ZNF66: variants seen among roughly 807,000 people sequenced by gnomAD.
The protein encoded by ZNF66 is zinc finger protein 66.
Under a neutral mutation model 35.2 loss-of-function variants are expected in ZNF66, and 32 were observed. That is an observed-to-expected ratio of 0.91 (90% CI 0.69 to 1.22). The LOEUF (loss-of-function observed/expected upper bound fraction) is 1.22, where lower values mean the gene tolerates loss of function less well. Among genes scored for constraint, ZNF66 ranks in the 50% most tolerant of loss-of-function variants. The probability of loss-of-function intolerance (pLI) is 0.00; values close to 1 mark genes in which losing one functional copy is unlikely to be tolerated. For synonymous variants in ZNF66, 231 were observed against 181.3 expected (o/e 1.27, Z -2.20); for missense variants, 666 against 543.1 (o/e 1.23, Z -2.25).
chr19:20,797,261 A>C (rs1337745508), intron 3 of ZNF66, among the ~76,000 whole-genome samples: 1 of 95,326 alleles, frequency 1.0e-5, no homozygotes, highest in African/African-American at 4.1e-5. Context: ...GCTGGAGTGC[A>C]GTGGCGCAAT....
intron 1 of ZNF66, among the ~76,000 whole-genome samples, chr19:20,790,572 C>G (rs1424247060): frequency 2.3e-5 from 3 of 132,528 alleles, no homozygotes; most frequent in Non-Finnish European, 3.3e-5. Flanking sequence ...TCCTGAATCT[C>G]TTCTGTTTTA....
At chr19:20,781,422 C>G (rs1971244074) in intron 1 of ZNF66, among the ~76,000 whole-genome samples, 1 of 152,054 alleles carries the variant, frequency 6.6e-6, no homozygotes, top group Non-Finnish European at 1.5e-5. Context: ...GTCTGTTGTT[C>G]TCCTCTTTGT....
intron 1 of ZNF66, among the ~76,000 whole-genome samples, chr19:20,785,373 T>G (rs1182159961): frequency 6.6e-6 from 1 of 152,244 alleles, no homozygotes; most frequent in Non-Finnish European, 1.5e-5. Context: ...TTCAACCATT[T>G]TTGTAGCAGA....
chr19:20,784,417 T>A (rs1971269538), intron 1 of ZNF66, among the ~76,000 whole-genome samples: 1 of 152,154 alleles, frequency 6.6e-6, no homozygotes, highest in Non-Finnish European at 1.5e-5. Flanking sequence ...TCAATAGGAA[T>A]AACAATGAGT....
At position 20,806,385 on chromosome 19, in the gene ZNF66, G is replaced by A. The variant is rs560685828; in HGVS notation, c.785G>A (p.Cys262Tyr). 1.3e-6 allele frequency: 2 copies of A among 1,571,246 alleles called. No individual in the cohort carries two copies. Among genetic ancestry groups the A allele is most frequent in the Non-Finnish European group, 1.8e-6 (2 of 1,142,158 alleles). Reference protein sequence around the residue: ...TGEKPYKCEECGKAFKRSSIL... With the variant: ...TGEKPYKCEEYGKAFKRSSIL... ...GAGAAACCCTACAAATGTGAAGAAT[G>A]TGGCAAGGCCTTTAAGCGCTCCTCT... The change falls in exon 4 of 4, where the codon TGT (cysteine) becomes TAT (tyrosine). Residue 262 changes from cysteine to tyrosine, a missense_variant. Physicochemically the swap from Cys to Tyr is radical, Grantham distance 194 (BLOSUM62 -2). Transcript: ENST00000344519.
At chr19:20,793,938 G>T in intron 3 of ZNF66, 60 bp downstream of exon 3, 1 of 764,668 alleles carries the variant, frequency 1.3e-6, no homozygotes, top group South Asian at 2.2e-5. Flanking sequence ...AGGTCAAAAA[G>T]AAAGCCAGTC....
At chr19:20,791,507 A>G (rs1971337685) in intron 1 of ZNF66, among the ~76,000 whole-genome samples, 1 of 148,974 alleles carries the variant, frequency 6.7e-6, no homozygotes, top group Non-Finnish European at 1.5e-5. Flanking sequence ...AAAAAAAAAG[A>G]AAATTGCTCA....
chr19:20,794,870 CT>C lies in ZNF66; in HGVS notation c.226+1010del, dbSNP rs59063566. Among the ~76,000 whole-genome samples the C allele has an allele frequency of 2.1e-3, 275 of 130,916 alleles. 1 individual carries two copies. Among genetic ancestry groups the C allele is most frequent in the Non-Finnish European group, 3.2e-3 (201 of 63,084 alleles). 85.9% of individuals were successfully genotyped at this position (130,916 alleles called of 152,430 possible). On this transcript the variant is annotated intron_variant, in intron 3 of 3. Transcript: ENST00000344519. Reference sequence around the variant, plus strand: ...AAATTGTGTGATTTACAACCAGCAACTTTTTTTTTTTTTTTTTTGAGAGGGG... The same window carrying C: ...AAATTGTGTGATTTACAACCAGCAACTTTTTTTTTTTTTTTTTGAGAGGGG...
At position 20,786,120 on chromosome 19, in the gene ZNF66, G is replaced by T. The variant is rs148163818; in HGVS notation, c.4-6392G>T. Reference sequence around the variant, plus strand: ...AACACTGTCTAGAATTACCAGATGTGATATAAACACATAAGGTGCCAACCA... The same window carrying T: ...AACACTGTCTAGAATTACCAGATGTTATATAAACACATAAGGTGCCAACCA... On this transcript the variant is annotated intron_variant, in intron 1 of 3. Transcript: ENST00000344519. 3.7e-3 allele frequency among the ~76,000 whole-genome samples: 561 copies of T among 152,226 alleles called. 11 individuals carry two copies. The highest frequency in any genetic ancestry group is 0.033 in the South Asian group (159 of 4,826).
At chr19:20,792,706 G>A in intron 2 of ZNF66, 68 bp downstream of exon 2, 1 of 918,018 alleles carries the variant, frequency 1.1e-6, no homozygotes, top group Non-Finnish European at 1.6e-6. Context: ...TTTGTAGAAT[G>A]TTAGTAATTT....
At chr19:20,782,659 C>G (rs1330662283) in intron 1 of ZNF66, among the ~76,000 whole-genome samples, 1 of 150,906 alleles carries the variant, frequency 6.6e-6, no homozygotes, top group Admixed American at 6.6e-5. Context: ...TTGTTAGCCA[C>G]ATGTATATCT....
chr19:20,806,088 AT>A lies in ZNF66; in HGVS notation c.489del (p.His163GlnfsTer3). On this transcript the variant is annotated frameshift_variant, in exon 4 of 4. Transcript: ENST00000344519. LOFTEE classifies it high-confidence loss of function. ...CATCAATTTTCAAATACAAACAGAC[AT>A]AAGATAAGACATACTGGAAAAAACC... The part of the protein sequence containing the change: ...VFHQFSNTNR[H>X]KIRHTGKNPC... 1.1e-6 allele frequency: 1 copy of A among 882,750 alleles called. No homozygotes were observed. The highest frequency in any genetic ancestry group is 1.9e-6 in the Non-Finnish European group (1 of 527,678). 54.7% of individuals were successfully genotyped at this position (882,750 alleles called of 1,614,324 possible).
At chr19:20,796,661 A>G (rs1266993213) in intron 3 of ZNF66, among the ~76,000 whole-genome samples, 2 of 152,142 alleles carry the variant, frequency 1.3e-5, no homozygotes, top group Non-Finnish European at 2.9e-5. Flanking sequence ...TAAAAATACC[A>G]TATATTTAAA....
At chr19:20,786,199 G>T (rs746828050) in intron 1 of ZNF66, among the ~76,000 whole-genome samples, 7 of 152,212 alleles carry the variant, frequency 4.6e-5, no homozygotes, top group South Asian at 2.1e-4. Flanking sequence ...ACTTATACTT[G>T]TGCAGCAAAG....
At chr19:20,792,744 C>A in intron 2 of ZNF66, 106 bp downstream of exon 2, 1 of 712,254 alleles carries the variant, frequency 1.4e-6, no homozygotes, top group Non-Finnish European at 2.2e-6. Context: ...GTTTCAGATC[C>A]AGTTTTTCAA....
In ZNF66 at chr19:20,808,486, C is replaced by A. The variant is rs1971549453; in HGVS notation, c.*1164C>A. Among the ~76,000 whole-genome samples, 1 of 152,084 alleles carries A rather than the reference C, an allele frequency of 6.6e-6. No individual in the cohort carries two copies. The highest frequency in any genetic ancestry group is 1.5e-5 in the Non-Finnish European group (1 of 68,008). ...CTGACACTTCACACGGCTGGGTACT[C>A]CTCATATAAAACTTCCAGAGGACCG... On this transcript the variant is annotated 3_prime_UTR_variant, in exon 4 of 4. Coordinates refer to ENST00000344519, the MANE Select transcript of ZNF66 (RefSeq NM_001355197.2).
Position 20,806,144 on chromosome 19 carries a change from TTTAACCGGTC to T in ZNF66, c.545_554del (p.Phe182SerfsTer20), listed in dbSNP as rs1189402943. On this transcript the variant is annotated frameshift_variant, in exon 4 of 4. Transcript: ENST00000344519. LOFTEE classifies it high-confidence loss of function. Reference sequence around the variant, plus strand: ...CAAATTTACAGAATGTGGCAAAGCTTTTAACCGGTCCTCAACCTTTACTACACATAAGAAA... The same window carrying T: ...CAAATTTACAGAATGTGGCAAAGCTTCTCAACCTTTACTACACATAAGAAA... 8.7e-7 allele frequency: 1 copy of T among 1,154,434 alleles called. No individual in the cohort carries two copies. The highest frequency in any genetic ancestry group is 1.5e-5 in the African/African-American group (1 of 66,026). 71.5% of individuals were successfully genotyped at this position (1,154,434 alleles called of 1,614,324 possible). A position where few individuals can be genotyped will look rare whatever the true frequency, so the allele number is the denominator to read the frequency against.
intron 1 of ZNF66, among the ~76,000 whole-genome samples, chr19:20,791,015 G>C (rs1195908415): frequency 4.6e-5 from 7 of 152,118 alleles, no homozygotes; most frequent in Non-Finnish European, 7.4e-5. Flanking sequence ...TTATCAACAG[G>C]AATTTATGAT....
intron 1 of ZNF66, among the ~76,000 whole-genome samples, chr19:20,782,785 A>G (rs1363125193): frequency 6.6e-6 from 1 of 151,874 alleles, no homozygotes; most frequent in Non-Finnish European, 1.5e-5. Context: ...GTCAGAGGCA[A>G]AGTTTGCAAA....
Sources: gnomAD v4.1 joint callset for allele counts (sites outside exome capture counted in the v4.1 genomes callset) on GRCh38, gnomAD v4.1.1 for gene constraint, MANE v1.5 for transcripts, NCBI Gene and HGNC (gene_info 2026-07-23, HGNC 2026-07-21) for gene names.